The following DYNC2I1 variants were observed in gnomAD, a reference collection of about 807,000 sequenced individuals.
DYNC2I1 encodes the protein dynein 2 intermediate chain 1.
DYNC2I1 carries 89 observed loss-of-function variants against 133.4 expected under a neutral mutation model. That is an observed-to-expected ratio of 0.67 (90% CI 0.56 to 0.80). The LOEUF is 0.80. DYNC2I1 is among the 30% of genes least tolerant of loss of function. The pLI, the probability that DYNC2I1 is intolerant of heterozygous loss-of-function variation, is 0.00. For missense variants in DYNC2I1, 1,291 were observed against 1,314.5 expected (o/e 0.98, Z 0.28); for synonymous variants, 504 against 484.3 (o/e 1.04, Z -0.54).
At chr7:158,958,108 A>T (rs2657318), downstream of DYNC2I1, among the ~76,000 whole-genome samples, 3,355 of 29,940 alleles carry the variant, frequency 0.11, 17 homozygotes, top group African/African-American at 0.18. Context: ...GGAGAGGGTG[A>T]GGTCTGCACC....
At chr7:158,858,540 G>C (rs1841534292) in intron 1 of DYNC2I1, among the ~76,000 whole-genome samples, 1 of 152,120 alleles carries the variant, frequency 6.6e-6, no homozygotes, top group Non-Finnish European at 1.5e-5. Flanking sequence ...TGGCAAAAAA[G>C]AACATAAGCT....
chr7:158,906,121 G>T (rs116027919), intron 11 of DYNC2I1, 30 bp downstream of exon 11: 2 of 1,576,952 alleles, frequency 1.3e-6, no homozygotes, highest in Non-Finnish European at 1.7e-6. Flanking sequence ...AGCCAAAGGT[G>T]TTCAGGGTTT....
At chr7:158,872,152 C>A (rs1203844274) in intron 3 of DYNC2I1, among the ~76,000 whole-genome samples, 2 of 151,514 alleles carry the variant, frequency 1.3e-5, no homozygotes, top group Admixed American at 1.3e-4. Context: ...TCCATCACTA[C>A]AAAAAATAAA....
intron 1 of DYNC2I1, among the ~76,000 whole-genome samples, chr7:158,860,558 G>A (rs917139109): frequency 3.3e-4 from 50 of 152,266 alleles, no homozygotes; most frequent in African/African-American, 1.1e-3. Flanking sequence ...CCTGCATGGT[G>A]ACAATTTTCT....
At chr7:158,865,848 G>A (rs1842356844) in intron 1 of DYNC2I1, among the ~76,000 whole-genome samples, 1 of 152,194 alleles carries the variant, frequency 6.6e-6, no homozygotes, top group South Asian at 2.1e-4. Flanking sequence ...CGACAGCACC[G>A]GGGCAGGGAA....
chr7:158,886,902 T>C (rs963945480), intron 6 of DYNC2I1, 119 bp from the exon 7 acceptor site: 37 of 919,188 alleles, frequency 4.0e-5, no homozygotes, highest in Non-Finnish European at 6.1e-5. Context: ...CTCCTGGTTG[T>C]AGTAGTTCTT....
At chr7:158,925,963 G>T (rs753820234) in intron 17 of DYNC2I1, among the ~76,000 whole-genome samples, 33 of 152,208 alleles carry the variant, frequency 2.2e-4, no homozygotes, top group Non-Finnish European at 1.6e-4. Context: ...GAGAGCAGGG[G>T]CTGGGGCCCG....
chr7:158,927,712 C>T (rs10279442), intron 20 of DYNC2I1, among the ~76,000 whole-genome samples: 2,234 of 152,032 alleles, frequency 0.015, 45 homozygotes, highest in African/African-American at 0.043. Flanking sequence ...CCAACACGCC[C>T]GGCTAATTTT....
chr7:158,925,940 G>C (rs1849569486), intron 17 of DYNC2I1, among the ~76,000 whole-genome samples: 1 of 152,148 alleles, frequency 6.6e-6, no homozygotes, highest in African/African-American at 2.4e-5. Flanking sequence ...CTTTCTTCCT[G>C]CCTTCCAGAC....
At chr7:158,946,953 C>T (rs1366498646), downstream of DYNC2I1, among the ~76,000 whole-genome samples, 1 of 152,240 alleles carries the variant, frequency 6.6e-6, no homozygotes, top group Non-Finnish European at 1.5e-5. Flanking sequence ...AGACACAGCC[C>T]CCTCCCCAAC....
rs6962707 is a variant in DYNC2I1 at position 158,930,713 on chromosome 7, G to A, written c.2546+198G>A. Among the ~76,000 whole-genome samples the A allele has an allele frequency of 0.15, 22,764 of 151,776 alleles. 1,886 individuals carry two copies. The highest frequency in any genetic ancestry group is 0.17 in the Non-Finnish European group (11,243 of 67,928). ...GACGGAGTTTCACTCTTGTTGCCCCGGCTGGAGTGCAGTGGTGCAATCTTG... is the reference window on the plus strand; with the variant it reads ...GACGGAGTTTCACTCTTGTTGCCCCAGCTGGAGTGCAGTGGTGCAATCTTG... On this transcript the variant is annotated intron_variant, in intron 21 of 24. Coordinates refer to ENST00000407559, the MANE Select transcript of DYNC2I1 (RefSeq NM_018051.5).
intron 8 of DYNC2I1, among the ~76,000 whole-genome samples, chr7:158,894,600 G>T (rs140339611): frequency 1.3e-5 from 2 of 152,302 alleles, no homozygotes; most frequent in East Asian, 3.9e-4. Context: ...CTAACTGAAG[G>T]ACATCTTGGT....
chr7:158,934,978 CCT>C (rs1850604593), intron 23 of DYNC2I1, among the ~76,000 whole-genome samples: 1 of 152,056 alleles, frequency 6.6e-6, no homozygotes, highest in African/African-American at 2.4e-5. Context: ...AAAAACAAAA[CCT>C]ATGTAGAAAT....
At chr7:158,887,182 T>A in intron 7 of DYNC2I1, 107 bp downstream of exon 7, 1 of 1,087,368 alleles carries the variant, frequency 9.2e-7, no homozygotes, top group Middle Eastern at 2.0e-4. Context: ...CAGGGCTCAT[T>A]TGCAGATGGT....
chr7:158,951,039 G>T (rs996510700), downstream of DYNC2I1, among the ~76,000 whole-genome samples: 1 of 152,204 alleles, frequency 6.6e-6, no homozygotes, highest in East Asian at 1.9e-4. Flanking sequence ...GATCTTGCAT[G>T]TTGTCCACGT....
chr7:158,891,754 G>A (rs542543649), intron 8 of DYNC2I1, among the ~76,000 whole-genome samples: 1 of 152,236 alleles, frequency 6.6e-6, no homozygotes, highest in Non-Finnish European at 1.5e-5. Context: ...CAAAAGACAC[G>A]ATCCAGGCCA....
At chr7:158,938,636 A>G (rs755870565) in intron 23 of DYNC2I1, among the ~76,000 whole-genome samples, 1 of 152,146 alleles carries the variant, frequency 6.6e-6, no homozygotes, top group East Asian at 1.9e-4. Context: ...GGCACCTGTA[A>G]TCCCAGCTAC....
chr7:158,957,973 C>G (rs1026249860), downstream of DYNC2I1, among the ~76,000 whole-genome samples: 3 of 152,206 alleles, frequency 2.0e-5, no homozygotes, highest in Non-Finnish European at 4.4e-5. Flanking sequence ...CGGCCTTCCG[C>G]TCCGGGGAGC....
chr7:158,841,229 CAG>C, the DYNC2I1 span, among the ~76,000 whole-genome samples: 1 of 122,722 alleles, frequency 8.1e-6, no homozygotes, highest in East Asian at 2.4e-4. Context: ...ATATTTTAGA[CAG>C]AGTCTTGCAC....
Sources: gnomAD v4.1 joint callset for allele counts (sites outside exome capture counted in the v4.1 genomes callset) on GRCh38, gnomAD v4.1.1 for gene constraint, MANE v1.5 for transcripts, NCBI Gene and HGNC (gene_info 2026-07-23, HGNC 2026-07-21) for gene names.